MET: variants seen among roughly 807,000 people sequenced by gnomAD.
MET encodes hepatocyte growth factor receptor.
A neutral mutation model predicts 133.1 loss-of-function variants in MET; 48 were observed. The observed-to-expected ratio is 0.36, with a 90% CI of 0.29 to 0.46. The LOEUF (loss-of-function observed/expected upper bound fraction) is 0.46. Ranked by LOEUF, MET falls within the 20% of genes least tolerant of loss-of-function variation. The pLI is 1.00. For missense variants in MET, 1,442 were observed against 1,695.9 expected (o/e 0.85, Z 2.63); for synonymous variants, 628 against 616.5 (o/e 1.02, Z -0.28).
chr7:116,718,570 C>A (rs1435432761), intron 2 of MET, among the ~76,000 whole-genome samples: 3 of 151,032 alleles, frequency 2.0e-5, no homozygotes, highest in Non-Finnish European at 4.4e-5. Context: ...TATACATGTG[C>A]CATGCTGGTG....
At position 116,740,925 on chromosome 7, in the gene MET, C is replaced by T. The variant is rs1793422444; in HGVS notation, c.1601C>T (p.Pro534Leu). The change falls in exon 5 of 21, where the codon CCC becomes CTC. Residue 534 changes from proline (P) to leucine (L), a missense_variant. This residue lies in a region of MET where 762 missense variants were observed against 792.4 expected (regional missense o/e 0.96). Coordinates refer to ENST00000397752, the MANE Select transcript of MET (RefSeq NM_000245.4). ...QSCSQCLSAPPFVQCGWCHDK... is the reference protein window; with the variant it reads ...QSCSQCLSAPLFVQCGWCHDK... ...TGCAGTCAATGCCTCTCTGCCCCAC[C>T]CTTTGTTCAGTGTGGCTGGTGCCAC... is the stretch of plus-strand genomic sequence containing the variant. 6.2e-7 allele frequency: 1 copy of T among 1,614,232 alleles called. No individual in the cohort carries two copies. Among genetic ancestry groups the T allele is most frequent in the Non-Finnish European group, 8.5e-7 (1 of 1,180,044 alleles).
intron 19 of MET, among the ~76,000 whole-genome samples, chr7:116,784,983 G>A (rs1332542620): frequency 6.6e-6 from 1 of 152,184 alleles, no homozygotes; most frequent in African/African-American, 2.4e-5. Context: ...GGAGAAATTG[G>A]CCAAAGCAAA....
intron 1 of MET, among the ~76,000 whole-genome samples, chr7:116,690,876 T>G (rs375573005): frequency 1.3e-5 from 2 of 152,340 alleles, no homozygotes; most frequent in African/African-American, 4.8e-5. Flanking sequence ...TATGATATAA[T>G]GTAATATGAT....
chr7:116,689,904 G>C (rs1341536807), intron 1 of MET, among the ~76,000 whole-genome samples: 1 of 151,910 alleles, frequency 6.6e-6, no homozygotes, highest in Non-Finnish European at 1.5e-5. Flanking sequence ...GTTCCTATTT[G>C]TTTTTACTTC....
chr7:116,730,218 C>A (rs758184735), intron 2 of MET, among the ~76,000 whole-genome samples: 2 of 152,080 alleles, frequency 1.3e-5, no homozygotes, highest in African/African-American at 4.8e-5. Context: ...CATTTCAAGC[C>A]GGGAAATAGC....
At chr7:116,766,337 A>C (rs1295164696) in intron 11 of MET, among the ~76,000 whole-genome samples, 1 of 152,196 alleles carries the variant, frequency 6.6e-6, no homozygotes, top group East Asian at 1.9e-4. Flanking sequence ...AAAAAGAAGC[A>C]CAGGAAGATG....
chr7:116,769,244 G>A (rs1047239673), intron 11 of MET, among the ~76,000 whole-genome samples: 1 of 152,212 alleles, frequency 6.6e-6, no homozygotes, highest in Admixed American at 6.5e-5. Context: ...AGTCAAGGCT[G>A]AGAATCTCTG....
rs1161056019 is a variant in MET at position 116,796,966 on chromosome 7, A to G, written c.*842A>G. 3.3e-5 allele frequency: 6 copies of G among 180,194 alleles called. No homozygotes were observed. The highest frequency in any genetic ancestry group is 2.1e-3 in the Middle Eastern group (1 of 486). 11.2% of individuals were successfully genotyped at this position (180,194 alleles called of 1,614,324 possible). On this transcript the variant is annotated 3_prime_UTR_variant, in exon 21 of 21. Coordinates refer to ENST00000397752, the MANE Select transcript of MET (RefSeq NM_000245.4). ...TTCCTTTGGTTGGAAGAATATTTATAGGCAATACAGTCAAAGTTTCAAAAT... is the reference window on the plus strand; with the variant it reads ...TTCCTTTGGTTGGAAGAATATTTATGGGCAATACAGTCAAAGTTTCAAAAT...
chr7:116,697,616 T>G (rs1797009377), intron 1 of MET, among the ~76,000 whole-genome samples: 1 of 152,196 alleles, frequency 6.6e-6, no homozygotes, highest in Non-Finnish European at 1.5e-5. Context: ...TAATTTTTAT[T>G]CATCATTTAT....
At chr7:116,772,642 T>C (rs190909279) in intron 14 of MET, among the ~76,000 whole-genome samples, 1 of 152,334 alleles carries the variant, frequency 6.6e-6, no homozygotes, top group East Asian at 1.9e-4. Flanking sequence ...ATCAGCTCCA[T>C]TATCTTTAGA....
chr7:116,729,836 C>T (rs982868433), intron 2 of MET, among the ~76,000 whole-genome samples: 1 of 152,286 alleles, frequency 6.6e-6, no homozygotes, highest in South Asian at 2.1e-4. Context: ...TATCTCCATA[C>T]TCATCCCCCA....
chr7:116,774,625 G>A (rs1260208879), intron 14 of MET, among the ~76,000 whole-genome samples: 3 of 152,140 alleles, frequency 2.0e-5, no homozygotes, highest in African/African-American at 7.2e-5. Context: ...TAAACCATAA[G>A]CATGGCTTTT....
At chr7:116,745,012 T>C (rs1227671284) in intron 5 of MET, among the ~76,000 whole-genome samples, 2 of 152,358 alleles carry the variant, frequency 1.3e-5, no homozygotes, top group Admixed American at 6.5e-5. Context: ...GATGACATGA[T>C]TGTATATTTA....
intron 2 of MET, among the ~76,000 whole-genome samples, chr7:116,703,058 T>C (rs909865764): frequency 1.3e-5 from 2 of 152,192 alleles, no homozygotes; most frequent in Non-Finnish European, 2.9e-5. Context: ...AAGCCCTCTT[T>C]TGAGTCATTT....
rs2116578238 is a variant in MET at position 116,699,111 on chromosome 7, T to G, written c.27T>G (p.Pro9=). 1 of 1,613,906 alleles carries G rather than the reference T, an allele frequency of 6.2e-7. No individual in the cohort carries two copies. Among genetic ancestry groups the G allele is most frequent in the Non-Finnish European group, 8.5e-7 (1 of 1,179,848 alleles). MKAPAVLA[P]GILVLLFTLV... is the part of the protein sequence containing the mutation. ...TGAAGGCCCCCGCTGTGCTTGCACC[T>G]GGCATCCTCGTGCTCCTGTTTACCT... Residue 9 remains proline, a synonymous_variant, in exon 2 of 21, where the codon CCT becomes CCG. Coordinates refer to ENST00000397752, the MANE Select transcript of MET (RefSeq NM_000245.4).
chr7:116,783,214 C>T, intron 18 of MET, 90 bp from the exon 19 acceptor site: 1 of 1,470,884 alleles, frequency 6.8e-7, no homozygotes, highest in South Asian at 1.2e-5. Flanking sequence ...ATTTCAAATA[C>T]TGAAGCCACT....
chr7:116,724,097 C>G (rs908710074), intron 2 of MET: 1 of 175,202 alleles, frequency 5.7e-6, no homozygotes, highest in Non-Finnish European at 1.2e-5. Context: ...TGCCGCCTTG[C>G]GGTTTGATCT....
intron 2 of MET, among the ~76,000 whole-genome samples, chr7:116,721,243 A>G (rs1163526478): frequency 1.3e-5 from 2 of 152,108 alleles, no homozygotes; most frequent in African/African-American, 4.8e-5. Context: ...GAATTTATCC[A>G]TTTCTTCTAG....
At chr7:116,693,406 A>G (rs966155550) in intron 1 of MET, among the ~76,000 whole-genome samples, 1 of 152,210 alleles carries the variant, frequency 6.6e-6, no homozygotes, top group African/African-American at 2.4e-5. Flanking sequence ...GAAGAGATGC[A>G]CATAGTAGGC....
Sources: allele counts gnomAD v4.1 joint callset (sites outside exome capture counted in the v4.1 genomes callset), GRCh38; gene constraint gnomAD v4.1.1; regional missense constraint gnomAD v4.1.1; transcripts MANE v1.5; gene names NCBI Gene and HGNC (gene_info 2026-07-23, HGNC 2026-07-21).